TENM3: variants seen among roughly 807,000 people sequenced by gnomAD.
TENM3 encodes the protein teneurin-3.
TENM3 carries 63 observed loss-of-function variants against 255.1 expected under a neutral mutation model. The ratio of observed to expected loss-of-function variants is 0.25; its 90% CI spans 0.20 to 0.30. The LOEUF (loss-of-function observed/expected upper bound fraction) is 0.30. TENM3 is among the 10% of genes least tolerant of loss of function. TENM3 has a pLI of 1.00. For synonymous variants in TENM3, 1,306 were observed against 1,322.3 expected, an observed-to-expected ratio of 0.99 and a Z score of 0.27; for missense variants, 2,929 against 3,461.1, an observed-to-expected ratio of 0.85 and a Z score of 3.86.
the TENM3 span, among the ~76,000 whole-genome samples, chr4:182,137,983 T>G: frequency 8.8e-4 from 134 of 152,380 alleles, no homozygotes; most frequent in Middle Eastern, 3.4e-3. Context: ...GTCCTGAATA[T>G]GTTTCTATAA....
At position 182,754,365 on chromosome 4, in the gene TENM3, C is replaced by A. The variant is rs1762576249; in HGVS notation, c.4018-20C>A. 1 of 1,559,098 alleles carries A rather than the reference C, an allele frequency of 6.4e-7. No homozygotes were observed. The highest frequency in any genetic ancestry group is 1.2e-5 in the South Asian group (1 of 82,146). Reference sequence around the variant, plus strand: ...GTAGTGCAGTAACTTACTAACCAGGCCATTTCTTTTTTTATTAAGGTACGT... The same window carrying A: ...GTAGTGCAGTAACTTACTAACCAGGACATTTCTTTTTTTATTAAGGTACGT... On this transcript the variant is annotated intron_variant, in intron 21 of 27. Transcript: ENST00000511685. The surrounding 1 kb of genome is among the most constrained non-coding windows in gnomAD (Gnocchi z 5.1).
the TENM3 span, among the ~76,000 whole-genome samples, chr4:181,989,287 C>A: frequency 1.6e-4 from 24 of 151,756 alleles, no homozygotes; most frequent in Non-Finnish European, 3.2e-4. Flanking sequence ...TCCTGAGGCA[C>A]AAAGAGGGAT....
the TENM3 span, among the ~76,000 whole-genome samples, chr4:181,831,579 A>G: frequency 3.3e-5 from 5 of 152,128 alleles, no homozygotes; most frequent in African/African-American, 1.2e-4. Context: ...AAAAATTAAA[A>G]TAAGCTATCT....
rs779861657 is a variant in TENM3, at chr4:182,789,086, G to A, written c.5305-7G>A. Reference sequence around the variant, plus strand: ...TTTATTTTATCATCTTGTTGGTGTTGTAACAGGTTAATGGCAGAAACCTCC... The same window carrying A: ...TTTATTTTATCATCTTGTTGGTGTTATAACAGGTTAATGGCAGAAACCTCC... On this transcript the variant is annotated splice_region_variant and splice_polypyrimidine_tract_variant and intron_variant, in intron 24 of 27. Transcript: ENST00000511685. This position sits in a 1 kb window ranked among gnomAD's most constrained non-coding sequence, Gnocchi z 4.4. The A allele has an allele frequency of 1.4e-5, 22 of 1,599,624 alleles. No homozygotes were observed. Among genetic ancestry groups the A allele is most frequent in the Non-Finnish European group, 1.4e-5 (16 of 1,170,128 alleles).
Position 182,739,336 on chromosome 4 carries a change from C to T in TENM3, c.3379+792C>T, listed in dbSNP as rs559212851. On this transcript the variant is annotated intron_variant, in intron 18 of 27. Transcript: ENST00000511685. ...ATGAAACACAATTCTGTTGTCTAGA[C>T]TGTGTTTCCAACATTTTGCCCACAT... Among the ~76,000 whole-genome samples the T allele has an allele frequency of 6.8e-4, 104 of 152,296 alleles. No homozygotes were observed. The Middle Eastern group carries it at 0.017, about 25-fold the overall frequency.
chr4:182,165,815 A>C (rs1026446730), intron 1 of TENM3, among the ~76,000 whole-genome samples: 11 of 152,138 alleles, frequency 7.2e-5, no homozygotes, highest in South Asian at 4.1e-4. Context: ...TCGCTCTGTC[A>C]TCCAGGCTGG....
chr4:181,858,262 G>T, the TENM3 span, among the ~76,000 whole-genome samples: 1 of 152,114 alleles, frequency 6.6e-6, no homozygotes, highest in East Asian at 1.9e-4. Context: ...AGATTTATAG[G>T]TTTTGCAAAT....
intron 1 of TENM3, among the ~76,000 whole-genome samples, chr4:182,165,747 T>C (rs753761515): frequency 1.3e-5 from 2 of 152,288 alleles, no homozygotes; most frequent in Non-Finnish European, 2.9e-5. Context: ...TTTCACTCTT[T>C]TTTGGGGGGT....
intron 3 of TENM3, among the ~76,000 whole-genome samples, chr4:182,385,615 C>T (rs1442839531): frequency 6.6e-6 from 1 of 152,006 alleles, no homozygotes; most frequent in Non-Finnish European, 1.5e-5. Flanking sequence ...CAGCAATAAT[C>T]CATTGCAATA....
intron 12 of TENM3, among the ~76,000 whole-genome samples, chr4:182,697,314 T>A (rs1757503002): frequency 6.6e-6 from 1 of 152,190 alleles, no homozygotes; most frequent in African/African-American, 2.4e-5. Flanking sequence ...TGGACATAGA[T>A]GCCTCATGAT....
At chr4:182,262,215 A>G (rs1758845371) in intron 1 of TENM3, among the ~76,000 whole-genome samples, 1 of 152,242 alleles carries the variant, frequency 6.6e-6, no homozygotes, top group Admixed American at 6.5e-5. Flanking sequence ...ATGAAATTTA[A>G]AAGATGTAAT....
At chr4:181,465,818 T>C in the TENM3 span, among the ~76,000 whole-genome samples, 2 of 152,128 alleles carry the variant, frequency 1.3e-5, no homozygotes, top group African/African-American at 4.8e-5. Flanking sequence ...CATGAGGAAG[T>C]TGCTAGATGC....
At chr4:181,774,873 T>C in the TENM3 span, among the ~76,000 whole-genome samples, 7 of 128,852 alleles carry the variant, frequency 5.4e-5, no homozygotes, top group Non-Finnish European at 1.1e-4. Flanking sequence ...TGTTTGTTTT[T>C]TTCTTGTAAA....
At chr4:182,586,125 T>C (rs1322171094) in intron 3 of TENM3, among the ~76,000 whole-genome samples, 3 of 152,072 alleles carry the variant, frequency 2.0e-5, no homozygotes, top group Admixed American at 2.0e-4. Flanking sequence ...AGGATGGTGC[T>C]GCATGCCTGT....
At chr4:181,605,531 A>G in the TENM3 span, among the ~76,000 whole-genome samples, 5 of 23,854 alleles carry the variant, frequency 2.1e-4, no homozygotes, top group South Asian at 6.4e-3. Context: ...AGAAAGAAAG[A>G]AAGAAAGAAA....
chr4:182,161,589 ATATATATATACATATATATATATG>A (rs1751190515), intron 1 of TENM3, among the ~76,000 whole-genome samples: 1 of 126,152 alleles, frequency 7.9e-6, no homozygotes, highest in African/African-American at 3.0e-5. Context: ...CTCAGTCCAA[ATATATATATACATATATATATATG>A]TATATATATA....
At chr4:182,493,790 T>C (rs1735514298) in intron 3 of TENM3, among the ~76,000 whole-genome samples, 1 of 152,160 alleles carries the variant, frequency 6.6e-6, no homozygotes, top group Non-Finnish European at 1.5e-5. Flanking sequence ...AAATAGATAT[T>C]GTATTTGGAG....
chr4:181,599,238 T>C, the TENM3 span, among the ~76,000 whole-genome samples: 1 of 152,312 alleles, frequency 6.6e-6, no homozygotes, highest in African/African-American at 2.4e-5. Context: ...GGCACCCCAA[T>C]TGAATAAGTG....
the TENM3 span, among the ~76,000 whole-genome samples, chr4:182,036,118 G>A: frequency 4.6e-5 from 7 of 152,228 alleles, no homozygotes; most frequent in South Asian, 1.5e-3. Flanking sequence ...GCCTTCACTG[G>A]GTCCCTTGGT....
Sources: allele counts gnomAD v4.1 joint callset (sites outside exome capture counted in the v4.1 genomes callset), GRCh38; gene constraint gnomAD v4.1.1; non-coding constraint Gnocchi (gnomAD v3.1); transcripts MANE v1.5; gene names NCBI Gene and HGNC (gene_info 2026-07-23, HGNC 2026-07-21).